NPAS3: variants seen among roughly 807,000 people sequenced by gnomAD.
The protein encoded by NPAS3 is neuronal PAS domain-containing protein 3.
A neutral mutation model predicts 73.1 loss-of-function variants in NPAS3; 14 were observed. The ratio of observed to expected loss-of-function variants is 0.19; its 90% CI spans 0.13 to 0.30. NPAS3 has a LOEUF of 0.30. Among genes scored for constraint, NPAS3 ranks in the 10% least tolerant of loss-of-function variants. The probability of loss-of-function intolerance (pLI) is 1.00; values close to 1 mark genes in which losing one functional copy is unlikely to be tolerated. For synonymous variants in NPAS3, 620 were observed against 541.5 expected (o/e 1.14, Z -2.01); for missense variants, 1,096 against 1,250.0 (o/e 0.88, Z 1.86).
intron 2 of NPAS3, among the ~76,000 whole-genome samples, chr14:33,081,884 G>A (rs1249790560): frequency 3.3e-5 from 5 of 152,190 alleles, no homozygotes; most frequent in African/African-American, 1.2e-4. Context: ...TGATAGCAAA[G>A]TGGAATGCCC....
intron 2 of NPAS3, among the ~76,000 whole-genome samples, chr14:33,119,717 G>GA (rs1356363387): frequency 6.6e-6 from 1 of 152,076 alleles, no homozygotes; most frequent in Non-Finnish European, 1.5e-5. Flanking sequence ...TCCCTTAGAA[G>GA]GAAAGTAAGG....
chr14:33,126,715 G>T (rs1192887969), intron 2 of NPAS3, among the ~76,000 whole-genome samples: 1 of 152,114 alleles, frequency 6.6e-6, no homozygotes, highest in East Asian at 1.9e-4. Flanking sequence ...TCATGCCCTT[G>T]TTCTACTTGG....
At chr14:33,593,087 A>G (rs888435398) in intron 5 of NPAS3, among the ~76,000 whole-genome samples, 3 of 152,210 alleles carry the variant, frequency 2.0e-5, no homozygotes, top group Admixed American at 2.0e-4. Context: ...TCATATCACC[A>G]GACTGTATGT....
intron 2 of NPAS3, among the ~76,000 whole-genome samples, chr14:33,061,767 G>C (rs1025773377): frequency 1.3e-5 from 2 of 152,170 alleles, no homozygotes; most frequent in African/African-American, 4.8e-5. Context: ...GAAAACCTCT[G>C]CTCTCTAGAA....
At chr14:33,038,115 TA>T (rs932985176) in intron 1 of NPAS3, among the ~76,000 whole-genome samples, 2 of 152,216 alleles carry the variant, frequency 1.3e-5, no homozygotes, top group African/African-American at 4.8e-5. Context: ...CTTTGTAGGA[TA>T]AAAAGAAAAT....
chr14:33,563,545 G>C (rs74633497), intron 5 of NPAS3, among the ~76,000 whole-genome samples: 1,403 of 38,912 alleles, frequency 0.036, 24 homozygotes, highest in African/African-American at 0.12. Flanking sequence ...CACAGAGAGA[G>C]AGAGAGAGAG....
At chr14:32,988,759 C>G (rs2038197687) in intron 1 of NPAS3, among the ~76,000 whole-genome samples, 1 of 152,212 alleles carries the variant, frequency 6.6e-6, no homozygotes, top group Non-Finnish European at 1.5e-5. Flanking sequence ...CAAAACTTCT[C>G]TAGGGCTTAC....
intron 1 of NPAS3, among the ~76,000 whole-genome samples, chr14:32,967,363 T>A (rs983757253): frequency 6.6e-6 from 1 of 152,216 alleles, no homozygotes; most frequent in African/African-American, 2.4e-5. Context: ...AGGCTTCTCA[T>A]CAACTTGGGC....
intron 2 of NPAS3, among the ~76,000 whole-genome samples, chr14:33,179,216 C>G (rs1283486931): frequency 1.3e-5 from 2 of 151,954 alleles, no homozygotes; most frequent in African/African-American, 4.8e-5. Context: ...CTATATGAGT[C>G]TTGTATATTG....
chr14:33,219,858 G>A (rs1306557041), intron 3 of NPAS3, among the ~76,000 whole-genome samples: 1 of 152,130 alleles, frequency 6.6e-6, no homozygotes, highest in African/African-American at 2.4e-5. Context: ...TCAATAGAAA[G>A]GTAGAGACTC....
At chr14:33,083,178 CAAAAAAAAAAAAAAAAAAAAAAAA>C (rs57147759) in intron 2 of NPAS3, among the ~76,000 whole-genome samples, 3 of 65,028 alleles carry the variant, frequency 4.6e-5, no homozygotes, top group Admixed American at 4.2e-4. Context: ...GAGACTGTCT[CAAAAAAAAAAAAAAAAAAAAAAAA>C]AAAAAAAAAA....
At chr14:33,130,036 A>G (rs910659373) in intron 2 of NPAS3, among the ~76,000 whole-genome samples, 2 of 152,182 alleles carry the variant, frequency 1.3e-5, no homozygotes, top group African/African-American at 4.8e-5. Flanking sequence ...TTTTTCCCTA[A>G]ATGACAGAAG....
intron 3 of NPAS3, among the ~76,000 whole-genome samples, chr14:33,265,835 T>A (rs1466811485): frequency 6.6e-6 from 1 of 152,122 alleles, no homozygotes; most frequent in Non-Finnish European, 1.5e-5. Flanking sequence ...TGATAGTCTA[T>A]CATTAGATTA....
chr14:33,046,721 A>T (rs897039093), intron 1 of NPAS3, among the ~76,000 whole-genome samples: 3 of 152,230 alleles, frequency 2.0e-5, no homozygotes, highest in African/African-American at 4.8e-5. Context: ...CACGCCTGTA[A>T]TACCAACACT....
intron 4 of NPAS3, among the ~76,000 whole-genome samples, chr14:33,454,884 A>C (rs757066579): frequency 1.3e-5 from 2 of 152,178 alleles, no homozygotes; most frequent in Non-Finnish European, 2.9e-5. Flanking sequence ...GATTGCCTTT[A>C]ACAGGTGAGG....
chr14:33,473,499 A>C (rs759684488), intron 4 of NPAS3, among the ~76,000 whole-genome samples: 1 of 152,198 alleles, frequency 6.6e-6, no homozygotes, highest in Non-Finnish European at 1.5e-5. Flanking sequence ...TCATTCATCT[A>C]CTGAATATTT....
intron 3 of NPAS3, among the ~76,000 whole-genome samples, chr14:33,332,679 G>A (rs183578483): frequency 6.7e-4 from 102 of 152,232 alleles, no homozygotes; most frequent in South Asian, 1.0e-3. Context: ...AAACGCTTCC[G>A]ATTTTTCTAC....
chr14:33,386,893 G>A (rs778496363), intron 4 of NPAS3, among the ~76,000 whole-genome samples: 12 of 151,908 alleles, frequency 7.9e-5, no homozygotes, highest in South Asian at 2.1e-4. Context: ...ATCTAGCATC[G>A]AAAGTATAGG....
At chr14:33,070,140 T>G (rs1356956145) in intron 2 of NPAS3, among the ~76,000 whole-genome samples, 1 of 152,248 alleles carries the variant, frequency 6.6e-6, no homozygotes, top group African/African-American at 2.4e-5. Context: ...TGACTCCTAG[T>G]ACATAAAAGC....
Sources: gnomAD v4.1 joint callset for allele counts (sites outside exome capture counted in the v4.1 genomes callset) on GRCh38, gnomAD v4.1.1 for gene constraint, MANE v1.5 for transcripts, NCBI Gene and HGNC (gene_info 2026-07-23, HGNC 2026-07-21) for gene names.